The following FMN2 variants were observed in gnomAD, a reference collection of about 807,000 sequenced individuals.
FMN2 encodes the protein formin 2, also known as formin-2.
In FMN2, 51 loss-of-function variants were observed where a neutral mutation model predicts 142.3. That is an observed-to-expected ratio of 0.36 (90% CI 0.29 to 0.45). FMN2 has a LOEUF of 0.45. Among genes scored for constraint, FMN2 ranks in the 20% least tolerant of loss-of-function variants. FMN2 has a pLI of 1.00. For synonymous variants in FMN2, 882 were observed against 869.8 expected (o/e 1.01, Z -0.25); for missense variants, 1,936 against 2,122.8 (o/e 0.91, Z 1.73).
At chr1:240,291,233 G>A (rs1384600805) in intron 7 of FMN2, among the ~76,000 whole-genome samples, 1 of 152,074 alleles carries the variant, frequency 6.6e-6, no homozygotes, top group Non-Finnish European at 1.5e-5. Flanking sequence ...CTTTTAATGT[G>A]CAAAAAAGGT....
At chr1:240,242,137 G>A (rs577947183) in intron 6 of FMN2, among the ~76,000 whole-genome samples, 124 of 152,222 alleles carry the variant, frequency 8.1e-4, no homozygotes, top group Non-Finnish European at 1.3e-3. Context: ...GAGCCACCGC[G>A]CCCGGCTAGT....
intron 8 of FMN2, among the ~76,000 whole-genome samples, chr1:240,312,491 T>A (rs1448900077): frequency 6.6e-6 from 1 of 152,214 alleles, no homozygotes; most frequent in African/African-American, 2.4e-5. Flanking sequence ...CTGATGAAAG[T>A]TCTGTTGTTT....
At chr1:240,214,443 C>T (rs1190063319) in intron 6 of FMN2, among the ~76,000 whole-genome samples, 3 of 150,626 alleles carry the variant, frequency 2.0e-5, no homozygotes, top group African/African-American at 4.9e-5. Flanking sequence ...CTCAGCTACT[C>T]GGGAGGCTGA....
intron 3 of FMN2, among the ~76,000 whole-genome samples, chr1:240,178,385 A>G (rs576236576): frequency 2.6e-5 from 4 of 151,250 alleles, no homozygotes; most frequent in South Asian, 2.1e-4. Flanking sequence ...TATTTGTGTA[A>G]CAATCAATGC....
At chr1:240,406,867 G>C (rs1312932953) in intron 15 of FMN2, among the ~76,000 whole-genome samples, 1 of 152,180 alleles carries the variant, frequency 6.6e-6, no homozygotes, top group African/African-American at 2.4e-5. Context: ...GGAAGGGCTA[G>C]TGAAACAATC....
intron 14 of FMN2, among the ~76,000 whole-genome samples, chr1:240,381,452 C>T (rs1279265512): frequency 6.6e-6 from 1 of 151,954 alleles, no homozygotes; most frequent in Non-Finnish European, 1.5e-5. Context: ...TTTTTTTAGA[C>T]AGATTCTCGC....
chr1:240,287,765 G>A (rs755893073), intron 7 of FMN2, among the ~76,000 whole-genome samples: 2 of 152,128 alleles, frequency 1.3e-5, no homozygotes, highest in East Asian at 1.9e-4. Context: ...TGCTTTGTGC[G>A]TGGCACTGCA....
chr1:240,270,601 C>A (rs1668967626), intron 7 of FMN2, among the ~76,000 whole-genome samples: 1 of 151,940 alleles, frequency 6.6e-6, no homozygotes, highest in Non-Finnish European at 1.5e-5. Flanking sequence ...CCTAAGTGTC[C>A]ATCAACAGAT....
chr1:240,376,616 T>C (rs1475275907), intron 14 of FMN2, among the ~76,000 whole-genome samples: 2 of 152,136 alleles, frequency 1.3e-5, no homozygotes, highest in African/African-American at 2.4e-5. Context: ...GTATTTATAT[T>C]ATATTACATG....
intron 15 of FMN2, among the ~76,000 whole-genome samples, chr1:240,431,720 A>G (rs1196783067): frequency 6.6e-6 from 1 of 151,534 alleles, no homozygotes. Context: ...TATACTTACT[A>G]AAATTATATT....
At chr1:240,336,583 G>GC (rs1671568275) in intron 13 of FMN2, among the ~76,000 whole-genome samples, 1 of 44,146 alleles carries the variant, frequency 2.3e-5, no homozygotes, top group Non-Finnish European at 5.7e-5. Flanking sequence ...AAAAAAAAAA[G>GC]GTGGTTGCAA....
At chr1:240,229,494 C>T (rs1667463101) in intron 6 of FMN2, among the ~76,000 whole-genome samples, 1 of 152,030 alleles carries the variant, frequency 6.6e-6, no homozygotes, top group South Asian at 2.1e-4. Flanking sequence ...AATGATGCCT[C>T]CCTAGAAGAG....
chr1:240,297,111 G>A (rs1477259789), intron 8 of FMN2, among the ~76,000 whole-genome samples: 1 of 152,106 alleles, frequency 6.6e-6, no homozygotes, highest in Non-Finnish European at 1.5e-5. Flanking sequence ...AGATGTTGGT[G>A]TGTGTGTATC....
chr1:240,369,182 A>G (rs1332485452), intron 14 of FMN2, among the ~76,000 whole-genome samples: 19 of 152,126 alleles, frequency 1.2e-4, no homozygotes, highest in Admixed American at 1.1e-3. Flanking sequence ...GTTTCTAGGC[A>G]TGCAAGTTTT....
intron 4 of FMN2, among the ~76,000 whole-genome samples, chr1:240,196,048 T>C (rs1261911783): frequency 6.6e-6 from 1 of 152,184 alleles, no homozygotes; most frequent in Non-Finnish European, 1.5e-5. Flanking sequence ...ATTCTCACAA[T>C]ATCCTTTTGC....
chr1:240,427,865 C>A (rs535886023), intron 15 of FMN2, among the ~76,000 whole-genome samples: 1 of 152,260 alleles, frequency 6.6e-6, no homozygotes, highest in African/African-American at 2.4e-5. Flanking sequence ...ATTCAGTTGT[C>A]CATTTTTGTG....
intron 15 of FMN2, among the ~76,000 whole-genome samples, chr1:240,435,374 C>T (rs1434134107): frequency 1.3e-5 from 2 of 150,740 alleles, no homozygotes; most frequent in East Asian, 3.9e-4. Context: ...GCTTTTGTGC[C>T]TACTGGTAAC....
chr1:240,356,104 T>G (rs1461793160), intron 14 of FMN2, among the ~76,000 whole-genome samples, 196 bp downstream of exon 14: 2 of 152,104 alleles, frequency 1.3e-5, no homozygotes, highest in African/African-American at 2.4e-5. Flanking sequence ...AGCAATTTGA[T>G]AAACATGCTA....
intron 16 of FMN2, among the ~76,000 whole-genome samples, chr1:240,466,131 A>C (rs1676614555): frequency 6.6e-6 from 1 of 152,232 alleles, no homozygotes; most frequent in Non-Finnish European, 1.5e-5. Context: ...AAAAATACCA[A>C]AATAAAAATA....
Sources: gnomAD v4.1 joint callset for allele counts (sites outside exome capture counted in the v4.1 genomes callset) on GRCh38, gnomAD v4.1.1 for gene constraint, MANE v1.5 for transcripts, NCBI Gene and HGNC (gene_info 2026-07-23, HGNC 2026-07-21) for gene names.